Variants in FAT4 observed in about 807,000 individuals in gnomAD.
FAT4 encodes FAT atypical cadherin 4, also known as protocadherin Fat 4.
A neutral mutation model predicts 303.9 loss-of-function variants in FAT4; 84 were observed. The ratio of observed to expected loss-of-function variants is 0.28; its 90% CI spans 0.23 to 0.33. FAT4 has a LOEUF of 0.33. FAT4 is among the 10% of genes least tolerant of loss of function. The pLI, the probability that FAT4 is intolerant of heterozygous loss-of-function variation, is 1.00. For synonymous variants in FAT4, 2,307 were observed against 2,298.8 expected, an observed-to-expected ratio of 1.00 and a Z score of -0.10; for missense variants, 6,005 against 6,146.8, an observed-to-expected ratio of 0.98 and a Z score of 0.77.
chr4:125,429,875 G>C (rs1725222555), intron 7 of FAT4, among the ~76,000 whole-genome samples: 2 of 152,152 alleles, frequency 1.3e-5, no homozygotes, highest in South Asian at 2.1e-4. Context: ...GCTTTGGACG[G>C]AAGATAAAGT....
intron 2 of FAT4, among the ~76,000 whole-genome samples, chr4:125,322,578 A>C (rs1730996276): frequency 6.6e-6 from 1 of 152,138 alleles, no homozygotes; most frequent in East Asian, 1.9e-4. Context: ...TCAGCCAAAA[A>C]CACAAACATC....
chr4:125,353,700 A>G (rs1306559076), intron 2 of FAT4, among the ~76,000 whole-genome samples: 1 of 151,692 alleles, frequency 6.6e-6, no homozygotes, highest in Non-Finnish European at 1.5e-5. Flanking sequence ...TGTAAGGGAG[A>G]TCTGTGGTTT....
intron 10 of FAT4, among the ~76,000 whole-genome samples, chr4:125,457,122 TACAC>T (rs151245014): frequency 1.2e-5 from 1 of 81,378 alleles, no homozygotes; most frequent in African/African-American, 9.6e-5. Flanking sequence ...GTTTCTCTCA[TACAC>T]ACACACACAC....
intron 2 of FAT4, among the ~76,000 whole-genome samples, chr4:125,388,267 G>T (rs1372224554): frequency 6.6e-6 from 1 of 152,146 alleles, no homozygotes; most frequent in Non-Finnish European, 1.5e-5. Flanking sequence ...GTTGTTTATG[G>T]GGAGGGGTAA....
At chr4:125,372,027 G>A (rs537474595) in intron 2 of FAT4, among the ~76,000 whole-genome samples, 1 of 152,102 alleles carries the variant, frequency 6.6e-6, no homozygotes, top group South Asian at 2.1e-4. Context: ...GAACGAAATG[G>A]ATGACAGTAA....
At position 125,487,353 on chromosome 4, in the gene FAT4, T is replaced by C. The variant is rs1222368801; in HGVS notation, c.12831T>C (p.Asn4277=). The C allele has an allele frequency of 1.9e-6, 3 of 1,610,706 alleles. No individual in the cohort carries two copies. The highest frequency in any genetic ancestry group is 2.5e-6 in the Non-Finnish European group (3 of 1,177,386). Residue 4277 remains asparagine, a synonymous_variant, in exon 17 of 18, where the codon AAT becomes AAC. Coordinates refer to ENST00000394329, the MANE Select transcript of FAT4 (RefSeq NM_001291303.3). ...SSNYTTVKIK[N]GKVYFTSDAG... ...TTTAATATGTTTTACAGATTAAGAA[T>C]GGCAAAGTATATTTTACATCCGATG... is the stretch of plus-strand genomic sequence containing the variant.
At chr4:125,476,358 T>G (rs1298743696) in intron 13 of FAT4, 102 bp downstream of exon 13, 1 of 436,422 alleles carries the variant, frequency 2.3e-6, no homozygotes, top group African/African-American at 2.1e-5. Context: ...TACATAAAGC[T>G]TAAGATATTT....
In FAT4 at chr4:125,318,853, T is replaced by G. The variant is rs565875435; in HGVS notation, c.2442T>G (p.Ser814Arg). The part of the protein sequence containing the change: ...ENVALGYHVG[S>R]VSASTMDLNS... ...TGGCGCTGGGATATCATGTGGGTAGTGTGTCTGCATCCACCATGGATCTCA... is the reference window on the plus strand; with the variant it reads ...TGGCGCTGGGATATCATGTGGGTAGGGTGTCTGCATCCACCATGGATCTCA... The change falls in exon 2 of 18, where the codon AGT becomes AGG. Residue 814 changes from serine to arginine, a missense_variant. Coordinates refer to ENST00000394329, the MANE Select transcript of FAT4 (RefSeq NM_001291303.3). The G allele has an allele frequency of 6.2e-7, 1 of 1,614,162 alleles. No individual in the cohort carries two copies. Among genetic ancestry groups the G allele is most frequent in the African/African-American group, 1.3e-5 (1 of 75,030 alleles).
rs776977766 is a variant in FAT4, at chr4:125,446,360, G to A, written c.7267G>A (p.Ala2423Thr). 76 of 1,612,944 alleles carry A rather than the reference G, an allele frequency of 4.7e-5. No homozygotes were observed. Among genetic ancestry groups the A allele is most frequent in the South Asian group, 2.2e-4 (20 of 91,062 alleles). The change falls in exon 9 of 18, where the codon GCA (alanine) becomes ACA (threonine). Residue 2423 changes from alanine (A) to threonine (T), a missense_variant. Transcript: ENST00000394329. Reference sequence around the variant, plus strand: ...ATCGACAGGACAAATCATCACCAGCGCATTGTTAGATAGGGAAACAAAAGA... The same window carrying A: ...ATCGACAGGACAAATCATCACCAGCACATTGTTAGATAGGGAAACAAAAGA... ...NPSTGQIITS[A>T]LLDRETKDNY...
chr4:125,377,340 A>C (rs1053619944), intron 2 of FAT4, among the ~76,000 whole-genome samples: 26 of 152,102 alleles, frequency 1.7e-4, no homozygotes, highest in South Asian at 4.1e-4. Flanking sequence ...TCAAAAAAAA[A>C]CAAAAAGCTA....
rs529207480 is a variant in FAT4 at position 125,443,378 on chromosome 4, C to T, written c.7200-2915C>T. ...GAGCAAGAGTCCATGTTGGCCTTCG[C>T]AATTGGTACATTTTCCGTCTTCACT... is the stretch of plus-strand genomic sequence containing the variant. On this transcript the variant is annotated intron_variant, in intron 8 of 17. Coordinates refer to ENST00000394329, the MANE Select transcript of FAT4 (RefSeq NM_001291303.3). Among the ~76,000 whole-genome samples, 5 of 152,260 alleles carry T rather than the reference C, an allele frequency of 3.3e-5. No individual in the cohort carries two copies. In the South Asian group the frequency reaches 1.0e-3, roughly 32 times the overall value.
chr4:125,485,557 C>T (rs1578698609), intron 16 of FAT4, among the ~76,000 whole-genome samples: 1 of 152,240 alleles, frequency 6.6e-6, no homozygotes, highest in East Asian at 1.9e-4. Flanking sequence ...TCTTCAGGGA[C>T]AATAACACAG....
intron 7 of FAT4, among the ~76,000 whole-genome samples, chr4:125,427,839 C>A (rs1356007382): frequency 6.6e-6 from 1 of 152,024 alleles, no homozygotes; most frequent in Non-Finnish European, 1.5e-5. Context: ...TGCTGAATAG[C>A]CTTTTATGTT....
chr4:125,388,301 G>A (rs1509288), intron 2 of FAT4, among the ~76,000 whole-genome samples: 150,866 of 152,282 alleles, frequency 0.99, 74,741 homozygotes, highest in East Asian at 1. Flanking sequence ...TCAGTCTACC[G>A]TAGTTTGTAC....
chr4:125,348,793 G>A (rs1157027831), intron 2 of FAT4, among the ~76,000 whole-genome samples: 2 of 151,662 alleles, frequency 1.3e-5, no homozygotes, highest in Non-Finnish European at 3.0e-5. Context: ...GGTGTGCTGA[G>A]TTTATTATGA....
chr4:125,422,158 A>G (rs1724924842), intron 7 of FAT4, among the ~76,000 whole-genome samples: 2 of 152,198 alleles, frequency 1.3e-5, no homozygotes, highest in Admixed American at 6.5e-5. Context: ...AAATTTAGAC[A>G]TTGTTTAAAT....
intron 2 of FAT4, among the ~76,000 whole-genome samples, chr4:125,332,560 T>A (rs771870280): frequency 1.3e-5 from 2 of 152,170 alleles, no homozygotes; most frequent in Non-Finnish European, 2.9e-5. Flanking sequence ...GTGTTTTGTT[T>A]CATTCAGAGA....
intron 11 of FAT4, among the ~76,000 whole-genome samples, chr4:125,467,994 G>T (rs1260621746): frequency 6.6e-6 from 1 of 151,850 alleles, no homozygotes; most frequent in African/African-American, 2.4e-5. Context: ...GTGAAATCTC[G>T]TCTCTATTAA....
At chr4:125,362,380 T>C (rs1230406624) in intron 2 of FAT4, among the ~76,000 whole-genome samples, 1 of 152,138 alleles carries the variant, frequency 6.6e-6, no homozygotes, top group Non-Finnish European at 1.5e-5. Flanking sequence ...CAGGTATACA[T>C]TGAAAGATAT....
Sources: gnomAD v4.1 joint callset for allele counts (sites outside exome capture counted in the v4.1 genomes callset) on GRCh38, gnomAD v4.1.1 for gene constraint, MANE v1.5 for transcripts, NCBI Gene and HGNC (gene_info 2026-07-23, HGNC 2026-07-21) for gene names.